Variants in CYP24A1 observed in about 807,000 individuals in gnomAD.
CYP24A1 encodes cytochrome P450 family 24 subfamily A member 1.
A neutral mutation model predicts 62.4 loss-of-function variants in CYP24A1; 68 were observed. The observed-to-expected ratio is 1.09, with a 90% CI of 0.90 to 1.33. The LOEUF is 1.33. Among genes scored for constraint, CYP24A1 ranks in the 40% most tolerant of loss-of-function variants. The pLI, the probability that CYP24A1 is intolerant of heterozygous loss-of-function variation, is 0.00. For missense variants in CYP24A1, 787 were observed against 653.0 expected (o/e 1.21, Z -2.24); for synonymous variants, 267 against 253.0 (o/e 1.06, Z -0.52).
chr20:54,173,822 G>T lies in CYP24A1; in HGVS notation c.-243C>A. On this transcript the variant is annotated 5_prime_UTR_variant, in exon 1 of 12. Transcript: ENST00000216862. The surrounding 1 kb of genome is among the most constrained non-coding windows in gnomAD (Gnocchi z 7.2). Reference sequence around the variant, plus strand: ...CCTCCTTGCACTGGCCGCAGGGGCTGGAAGAGGGTGGCCGGTGTCTGGGGA... The same window carrying T: ...CCTCCTTGCACTGGCCGCAGGGGCTTGAAGAGGGTGGCCGGTGTCTGGGGA... 1 of 576,880 alleles carries T rather than the reference G, an allele frequency of 1.7e-6. No individual in the cohort carries two copies. The highest frequency in any genetic ancestry group is 3.1e-6 in the Non-Finnish European group (1 of 324,014). The allele number at this position is 576,880 out of a possible 1,614,324, so 35.7% of individuals were successfully genotyped here. A position where few individuals can be genotyped will look rare whatever the true frequency, so the allele number is the denominator to read the frequency against.
At chr20:54,145,495 C>T in the CYP24A1 span, among the ~76,000 whole-genome samples, 2 of 152,010 alleles carry the variant, frequency 1.3e-5, no homozygotes, top group East Asian at 3.9e-4. Context: ...CAAAAATTAG[C>T]TGGGTGTGGT....
chr20:54,166,025 A>G (rs2092670669), intron 4 of CYP24A1, among the ~76,000 whole-genome samples, 192 bp from the exon 5 acceptor site: 1 of 152,218 alleles, frequency 6.6e-6, no homozygotes, highest in Admixed American at 6.5e-5. Flanking sequence ...TTCTTTTTCT[A>G]GAAATTATCT....
At chr20:54,153,201 G>A (rs2092615593), downstream of CYP24A1, among the ~76,000 whole-genome samples, 1 of 152,108 alleles carries the variant, frequency 6.6e-6, no homozygotes, top group Admixed American at 6.5e-5. Context: ...TTGTGTGATT[G>A]GAAAGGGGGT....
At chr20:54,164,335 T>G (rs2146485128) in intron 6 of CYP24A1, 117 bp downstream of exon 6, 2 of 1,589,810 alleles carry the variant, frequency 1.3e-6, no homozygotes, top group East Asian at 4.5e-5. Flanking sequence ...ACACCTGTGT[T>G]TGCAAAACCT....
At chr20:54,170,062 G>A (rs2092688831) in intron 3 of CYP24A1, among the ~76,000 whole-genome samples, 1 of 152,128 alleles carries the variant, frequency 6.6e-6, no homozygotes, top group East Asian at 1.9e-4. Context: ...GGATTGTGTT[G>A]CAGCAGCTAT....
At chr20:54,171,210 G>T (rs185417663) in intron 3 of CYP24A1, among the ~76,000 whole-genome samples, 2 of 152,142 alleles carry the variant, frequency 1.3e-5, no homozygotes, top group Non-Finnish European at 2.9e-5. Context: ...CCCGTGGGGT[G>T]GGAACTGTTA....
At chr20:54,147,490 CA>C in the CYP24A1 span, among the ~76,000 whole-genome samples, 1 of 152,186 alleles carries the variant, frequency 6.6e-6, no homozygotes, top group African/African-American at 2.4e-5. Context: ...GGATTAGCTC[CA>C]GCTGATGGCT....
At chr20:54,156,627 A>G (rs2092628916) in intron 11 of CYP24A1, among the ~76,000 whole-genome samples, 2 of 152,252 alleles carry the variant, frequency 1.3e-5, no homozygotes, top group African/African-American at 4.8e-5. Flanking sequence ...GAGCCTCATC[A>G]GACTTCTGAC....
At chr20:54,164,713 T>G in intron 5 of CYP24A1, 150 bp from the exon 6 acceptor site, 1 of 1,472,342 alleles carries the variant, frequency 6.8e-7, no homozygotes, top group Non-Finnish European at 9.2e-7. Flanking sequence ...TCTGCACCGG[T>G]CCTGGGAGCA....
intron 6 of CYP24A1, among the ~76,000 whole-genome samples, chr20:54,163,152 T>C (rs2092659035): frequency 6.6e-6 from 1 of 152,188 alleles, no homozygotes; most frequent in Non-Finnish European, 1.5e-5. Flanking sequence ...CCTGGAACTC[T>C]GCATTCCTAA....
chr20:54,173,806 A>T lies in CYP24A1; in HGVS notation c.-227T>A, dbSNP rs1399644474. 2 of 588,372 alleles carry T rather than the reference A, an allele frequency of 3.4e-6. No individual in the cohort carries two copies. Among genetic ancestry groups the T allele is most frequent in the Non-Finnish European group, 6.1e-6 (2 of 330,270 alleles). 36.4% of individuals were successfully genotyped at this position (588,372 alleles called of 1,614,324 possible). A position where few individuals can be genotyped will look rare whatever the true frequency, so the allele number is the denominator to read the frequency against. On this transcript the variant is annotated 5_prime_UTR_variant, in exon 1 of 12. Coordinates refer to ENST00000216862, the MANE Select transcript of CYP24A1 (RefSeq NM_000782.5). This position sits in a 1 kb window ranked among gnomAD's most constrained non-coding sequence, Gnocchi z 7.2. ...CCTCAGAGCATTGGTGCCTCCTTGC[A>T]CTGGCCGCAGGGGCTGGAAGAGGGT...
chr20:54,146,227 C>T, the CYP24A1 span, among the ~76,000 whole-genome samples: 1 of 152,214 alleles, frequency 6.6e-6, no homozygotes, highest in East Asian at 1.9e-4. Context: ...TACTTTTGCA[C>T]CATCCTACTA....
intron 6 of CYP24A1, among the ~76,000 whole-genome samples, 153 bp from the exon 7 acceptor site, chr20:54,163,015 G>A (rs2092658705): frequency 6.6e-6 from 1 of 152,138 alleles, no homozygotes; most frequent in African/African-American, 2.4e-5. Context: ...TTATATTATT[G>A]CCTTCTTGTC....
chr20:54,170,546 C>A (rs962164294), intron 3 of CYP24A1, among the ~76,000 whole-genome samples: 1 of 149,622 alleles, frequency 6.7e-6, no homozygotes, highest in Non-Finnish European at 1.5e-5. Context: ...TTTAAAAGTT[C>A]TTTGAATTTG....
At chr20:54,164,691 C>T in intron 5 of CYP24A1, 128 bp from the exon 6 acceptor site, 2 of 1,541,868 alleles carry the variant, frequency 1.3e-6, no homozygotes, top group Non-Finnish European at 1.7e-6. Flanking sequence ...TACAAGGACA[C>T]CCCCGGCTCT....
At chr20:54,169,805 G>T in intron 3 of CYP24A1, 117 bp from the exon 4 acceptor site, 2 of 1,545,660 alleles carry the variant, frequency 1.3e-6, no homozygotes, top group East Asian at 4.9e-5. Context: ...TGGCCATAAT[G>T]TTATTCATCC....
Position 54,162,718 on chromosome 20 carries a change from G to A in CYP24A1, c.989C>T (p.Thr330Met), listed in dbSNP as rs552310427. ...AACTCAAATCCAGCCCACCCTTACC[G>A]TTTCCACCGCAGCCAGCTGGAGCTC... ...VTELQLAAVE[T>M]TANSLMWILY... The change falls in exon 7 of 12, where the codon ACG becomes ATG. Residue 330 changes from threonine (T) to methionine (M), a missense_variant and splice_region_variant. Physicochemically the swap from Thr to Met is moderately conservative, Grantham distance 81 (BLOSUM62 -1). Transcript: ENST00000216862. The A allele has an allele frequency of 7.8e-5, 125 of 1,594,422 alleles. 1 individual carries two copies. The highest frequency in any genetic ancestry group is 6.8e-5 in the Non-Finnish European group (79 of 1,162,594).
rs1468583055 is a variant in CYP24A1 at position 54,173,668 on chromosome 20, G to A, written c.-89C>T. 1.1e-6 allele frequency: 1 copy of A among 881,410 alleles called. No homozygotes were observed. Among genetic ancestry groups the A allele is most frequent in the Non-Finnish European group, 1.7e-6 (1 of 571,900 alleles). 54.6% of individuals were successfully genotyped at this position (881,410 alleles called of 1,614,324 possible). On this transcript the variant is annotated 5_prime_UTR_variant, in exon 1 of 12. Transcript: ENST00000216862. This position sits in a 1 kb window ranked among gnomAD's most constrained non-coding sequence, Gnocchi z 7.2. ...GTGCTAGTGGGAGTCGGGGCTTAACGATTCTGGGAAAAGGAAGCAAAGAGG... is the reference window on the plus strand; with the variant it reads ...GTGCTAGTGGGAGTCGGGGCTTAACAATTCTGGGAAAAGGAAGCAAAGAGG...
chr20:54,160,543 A>G (rs973060877), intron 7 of CYP24A1, among the ~76,000 whole-genome samples: 3 of 152,254 alleles, frequency 2.0e-5, no homozygotes, highest in African/African-American at 7.2e-5. Flanking sequence ...AGATGCCTCC[A>G]AGGCAGTCTT....
Sources: allele counts gnomAD v4.1 joint callset (sites outside exome capture counted in the v4.1 genomes callset), GRCh38; gene constraint gnomAD v4.1.1; non-coding constraint Gnocchi (gnomAD v3.1); transcripts MANE v1.5; gene names NCBI Gene and HGNC (gene_info 2026-07-23, HGNC 2026-07-21).